Variants in TMEM245 observed in about 807,000 individuals in gnomAD.
TMEM245 encodes transmembrane protein 245.
A neutral mutation model predicts 101.2 loss-of-function variants in TMEM245; 69 were observed. The observed-to-expected ratio is 0.68, with a 90% CI of 0.56 to 0.83. The LOEUF (loss-of-function observed/expected upper bound fraction) is 0.83, where lower values mean the gene tolerates loss of function less well. TMEM245 is among the 40% of genes least tolerant of loss of function. TMEM245 has a pLI of 0.00. For missense variants in TMEM245, 1,075 were observed against 1,092.8 expected (o/e 0.98, Z 0.23); for synonymous variants, 537 against 449.8 (o/e 1.19, Z -2.45).
intron 17 of TMEM245, among the ~76,000 whole-genome samples, chr9:109,031,497 T>C (rs560807266): frequency 5.9e-5 from 9 of 152,282 alleles, no homozygotes; most frequent in Non-Finnish European, 1.3e-4. Flanking sequence ...TGTTGAGCAA[T>C]GAGGACTGAC....
chr9:109,083,916 A>AAAAAAAAAAAAAAAAAAAAAAAC (rs1554725101), intron 7 of TMEM245, among the ~76,000 whole-genome samples: 42 of 132,590 alleles, frequency 3.2e-4, no homozygotes, highest in Admixed American at 8.7e-4. Context: ...AAAAAAAAAA[A>AAAAAAAAAAAAAAAAAAAAAAAC]AAAAAAAAAA....
At chr9:109,117,174 A>G (rs553804521) in intron 1 of TMEM245, among the ~76,000 whole-genome samples, 1 of 151,872 alleles carries the variant, frequency 6.6e-6, no homozygotes, top group Admixed American at 6.6e-5. Context: ...CAGTGGTGCA[A>G]TCTTGGCTCA....
At chr9:109,087,634 T>C (rs76345895) in intron 5 of TMEM245, among the ~76,000 whole-genome samples, 2 of 152,172 alleles carry the variant, frequency 1.3e-5, no homozygotes, top group Admixed American at 6.5e-5. Context: ...GATAATCTCA[T>C]CGTGAAGATT....
At chr9:109,064,022 T>C (rs1829092333) in intron 10 of TMEM245, among the ~76,000 whole-genome samples, 1 of 152,216 alleles carries the variant, frequency 6.6e-6, no homozygotes, top group Admixed American at 6.5e-5. Context: ...TCAGCCTTGC[T>C]GAGTCTTGTT....
chr9:109,071,287 A>G (rs755812016), intron 9 of TMEM245, among the ~76,000 whole-genome samples: 1 of 151,928 alleles, frequency 6.6e-6, no homozygotes, highest in African/African-American at 2.4e-5. Flanking sequence ...CACAATTTAT[A>G]TTTCAAAAGA....
chr9:109,089,789 T>C (rs1473965756), intron 5 of TMEM245, among the ~76,000 whole-genome samples: 1 of 152,200 alleles, frequency 6.6e-6, no homozygotes, highest in Non-Finnish European at 1.5e-5. Context: ...CCTGATTTAA[T>C]GGATTATGGA....
At chr9:109,102,944 T>C (rs1421979943) in intron 3 of TMEM245, among the ~76,000 whole-genome samples, 3 of 152,222 alleles carry the variant, frequency 2.0e-5, no homozygotes, top group Non-Finnish European at 2.9e-5. Flanking sequence ...ATCTGATGAT[T>C]TGAGGACCAC....
At chr9:109,030,328 G>C (rs1460863856) in intron 17 of TMEM245, among the ~76,000 whole-genome samples, 2 of 149,388 alleles carry the variant, frequency 1.3e-5, no homozygotes, top group South Asian at 2.1e-4. Context: ...AAAGACAAAG[G>C]CTATATGGGT....
intron 3 of TMEM245, among the ~76,000 whole-genome samples, chr9:109,104,105 A>T (rs1234565092): frequency 6.6e-6 from 1 of 152,146 alleles, no homozygotes; most frequent in Non-Finnish European, 1.5e-5. Flanking sequence ...AAAAAAAATT[A>T]AAAAGAGTAA....
chr9:109,064,447 G>T (rs747338653), intron 10 of TMEM245, 30 bp downstream of exon 10: 1 of 1,592,626 alleles, frequency 6.3e-7, no homozygotes. Flanking sequence ...CCTGAAAAGA[G>T]AAAGCCACAA....
chr9:109,092,388 C>G (rs78426953), intron 4 of TMEM245, among the ~76,000 whole-genome samples: 2 of 152,202 alleles, frequency 1.3e-5, no homozygotes, highest in African/African-American at 4.8e-5. Context: ...ATCACTTGCA[C>G]CCTGGTAAGT....
chr9:109,101,428 G>A (rs1183778972), intron 3 of TMEM245, among the ~76,000 whole-genome samples: 1 of 152,164 alleles, frequency 6.6e-6, no homozygotes, highest in Non-Finnish European at 1.5e-5. Context: ...GAAACTGACT[G>A]TAAGTACAAG....
chr9:109,073,125 T>C (rs182281798), intron 9 of TMEM245: 1 of 501,998 alleles, frequency 2.0e-6, no homozygotes, highest in East Asian at 3.4e-5. Context: ...TAAACCTCAA[T>C]TATAAAACAA....
chr9:109,110,043 A>G (rs1246156492), intron 1 of TMEM245, among the ~76,000 whole-genome samples: 1 of 152,154 alleles, frequency 6.6e-6, no homozygotes, highest in African/African-American at 2.4e-5. Flanking sequence ...ACATTAAAAT[A>G]TTTCTTCAAG....
At chr9:109,047,263 C>T (rs1564177951) in intron 14 of TMEM245, among the ~76,000 whole-genome samples, 3 of 152,242 alleles carry the variant, frequency 2.0e-5, no homozygotes, top group Non-Finnish European at 1.5e-5. Context: ...AAGACATAAG[C>T]TACTGTTATA....
At chr9:109,093,426 A>T in intron 4 of TMEM245, 49 bp downstream of exon 4, 2 of 1,495,878 alleles carry the variant, frequency 1.3e-6, no homozygotes, top group Non-Finnish European at 1.8e-6. Flanking sequence ...CTTTCTATGT[A>T]CATTTCATTT....
chr9:109,057,180 C>A lies in TMEM245; in HGVS notation c.1854+11G>T. 2 of 1,611,018 alleles carry A rather than the reference C, an allele frequency of 1.2e-6. No homozygotes were observed. Among genetic ancestry groups the A allele is most frequent in the South Asian group, 2.2e-5 (2 of 90,402 alleles). On this transcript the variant is annotated intron_variant, in intron 12 of 17. Coordinates refer to ENST00000374586, the MANE Select transcript of TMEM245 (RefSeq NM_032012.4). ...TTGAACTTCAGCTTAACTATAAATG[C>A]TATTTCTTACCGAAAGAAATGTCTC... is the stretch of plus-strand genomic sequence containing the variant.
rs79631844 is a variant in TMEM245, at chr9:109,119,018, C to A, written c.579+317G>T. ...TCTCCAACCAGAAGTAAAACCAAGC[C>A]CCACTGCCATGCTCTGAGGCCTCTC... On this transcript the variant is annotated intron_variant, in intron 1 of 17. Transcript: ENST00000374586. Among the ~76,000 whole-genome samples, 192 of 152,294 alleles carry A rather than the reference C, an allele frequency of 1.3e-3. 3 individuals carry two copies. The East Asian group carries it at 0.032, about 25-fold the overall frequency.
At chr9:109,106,658 C>T (rs747494670) in intron 2 of TMEM245, 49 bp from the exon 3 acceptor site, 2 of 1,370,542 alleles carry the variant, frequency 1.5e-6, no homozygotes, top group East Asian at 4.9e-5. Context: ...AAACCTAGTA[C>T]TTGTTTTTAC....
Sources: allele counts gnomAD v4.1 joint callset (sites outside exome capture counted in the v4.1 genomes callset), GRCh38; gene constraint gnomAD v4.1.1; transcripts MANE v1.5; gene names NCBI Gene and HGNC (gene_info 2026-07-23, HGNC 2026-07-21).